The following ATP11C variants were observed in gnomAD, a reference collection of about 807,000 sequenced individuals.
ATP11C encodes the protein phospholipid-transporting ATPase IG.
Under a neutral mutation model 97.4 loss-of-function variants are expected in ATP11C, and 36 were observed. The observed-to-expected ratio is 0.37, with a 90% CI of 0.28 to 0.49. The LOEUF is 0.49. Among genes scored for constraint, ATP11C ranks in the 20% least tolerant of loss-of-function variants. The pLI is 0.98. For synonymous variants in ATP11C, 275 were observed against 290.9 expected, an observed-to-expected ratio of 0.95 and a Z score of 0.56; for missense variants, 730 against 824.6, an observed-to-expected ratio of 0.89 and a Z score of 1.40.
intron 18 of ATP11C, among the ~76,000 whole-genome samples, chrX:139,778,293 A>G (rs1332954533): frequency 8.9e-6 from 1 of 112,005 alleles, no homozygotes; most frequent in Non-Finnish European, 1.9e-5. Flanking sequence ...AACCTATCCT[A>G]TAAGAAATGC....
At chrX:139,777,779 A>G (rs764910628) in intron 18 of ATP11C, among the ~76,000 whole-genome samples, 25 of 111,248 alleles carry the variant, frequency 2.2e-4, no homozygotes, top group African/African-American at 7.8e-4. Flanking sequence ...TAAAAAGGAC[A>G]AATTACCTAT....
chrX:139,814,631 A>C (rs1183228589), intron 5 of ATP11C, among the ~76,000 whole-genome samples: 1 of 111,799 alleles, frequency 8.9e-6, no homozygotes, highest in Admixed American at 9.5e-5. Context: ...AAGAAATATG[A>C]AACATTCAGA....
chrX:139,923,170 TACAAC>T (rs2085294962), intron 1 of ATP11C, among the ~76,000 whole-genome samples: 1 of 111,745 alleles, frequency 8.9e-6, no homozygotes, highest in African/African-American at 3.3e-5. Context: ...ATGCTTTAAG[TACAAC>T]AATGACCCTG....
chrX:139,815,785 G>A (rs935123692), intron 4 of ATP11C, among the ~76,000 whole-genome samples: 1 of 109,789 alleles, frequency 9.1e-6, no homozygotes, highest in Non-Finnish European at 1.9e-5. Flanking sequence ...TCTCTTCATC[G>A]CCTCCCCCCA....
intron 4 of ATP11C, 101 bp from the exon 5 acceptor site, chrX:139,815,086 T>A: frequency 2.3e-6 from 1 of 438,310 alleles, no homozygotes; most frequent in Non-Finnish European, 3.8e-6. Flanking sequence ...ATATTTATAA[T>A]TATAGCATTA....
chrX:139,754,544 A>ACAG (rs1373160696), intron 23 of ATP11C, among the ~76,000 whole-genome samples: 1 of 111,938 alleles, frequency 8.9e-6, no homozygotes, highest in Non-Finnish European at 1.9e-5. Flanking sequence ...AACAACAACA[A>ACAG]AAAGAAAACT....
intron 1 of ATP11C, among the ~76,000 whole-genome samples, chrX:139,911,739 G>C (rs1185885079): frequency 2.7e-5 from 3 of 110,872 alleles, no homozygotes; most frequent in Non-Finnish European, 5.7e-5. Flanking sequence ...TAGCAGCACT[G>C]ATCATGCCAG....
At chrX:139,900,566 G>C (rs1030778398) in intron 1 of ATP11C, among the ~76,000 whole-genome samples, 7 of 111,356 alleles carry the variant, frequency 6.3e-5, no homozygotes, top group Non-Finnish European at 1.3e-4. Context: ...CAGGAATTCA[G>C]GAGGCAGAAG....
chrX:139,848,550 C>T (rs1166323163), intron 1 of ATP11C, among the ~76,000 whole-genome samples: 1 of 109,224 alleles, frequency 9.2e-6, no homozygotes, highest in Non-Finnish European at 1.9e-5. Context: ...AGTGCAGTGG[C>T]TATTCACAGG....
At chrX:139,908,651 G>A (rs1315152101) in intron 1 of ATP11C, among the ~76,000 whole-genome samples, 3 of 112,441 alleles carry the variant, frequency 2.7e-5, no homozygotes, top group Non-Finnish European at 3.8e-5. Context: ...CATAAATACA[G>A]TATTCAAATG....
intron 6 of ATP11C, among the ~76,000 whole-genome samples, chrX:139,802,735 C>T (rs1331064020): frequency 9.0e-6 from 1 of 111,494 alleles, no homozygotes; most frequent in African/African-American, 3.3e-5. Context: ...GAGATATACA[C>T]ATATGAATTG....
chrX:139,834,556 T>C (rs998370516), intron 1 of ATP11C, among the ~76,000 whole-genome samples: 5 of 112,162 alleles, frequency 4.5e-5, no homozygotes, highest in Admixed American at 9.4e-5. Flanking sequence ...AAAGAGACTA[T>C]ATAAATTAGC....
chrX:139,925,378 C>T (rs572168427), intron 1 of ATP11C, among the ~76,000 whole-genome samples: 1 of 111,579 alleles, frequency 9.0e-6, no homozygotes, highest in Non-Finnish European at 1.9e-5. Flanking sequence ...CTCTGCCTCC[C>T]AGGTTCAAGT....
intron 1 of ATP11C, among the ~76,000 whole-genome samples, chrX:139,887,313 A>G (rs1278010984): frequency 8.9e-6 from 1 of 112,081 alleles, no homozygotes; most frequent in Non-Finnish European, 1.9e-5. Flanking sequence ...CTTAGATAGG[A>G]CAGAAAAACC....
intron 15 of ATP11C, 91 bp from the exon 16 acceptor site, chrX:139,785,390 AAT>A: frequency 1.6e-6 from 1 of 642,428 alleles, no homozygotes; most frequent in Non-Finnish European, 2.4e-6. Context: ...AAACATCTTA[AAT>A]CAACAGATAG....
intron 3 of ATP11C, among the ~76,000 whole-genome samples, chrX:139,817,486 G>C (rs1257032292): frequency 8.9e-6 from 1 of 112,795 alleles, no homozygotes; most frequent in African/African-American, 3.2e-5. Flanking sequence ...TGGAGAGGGA[G>C]GCAGGAGCCA....
intron 18 of ATP11C, among the ~76,000 whole-genome samples, chrX:139,782,282 G>A (rs1451589298): frequency 1.0e-4 from 11 of 106,525 alleles, no homozygotes; most frequent in East Asian, 8.9e-4. Context: ...AGCCAAGACC[G>A]CGCCACTGCA....
chrX:139,740,077 G>A (rs1437088424), intron 27 of ATP11C, among the ~76,000 whole-genome samples: 1 of 111,240 alleles, frequency 9.0e-6, no homozygotes, highest in Non-Finnish European at 1.9e-5. Flanking sequence ...TCACATCTCT[G>A]TGATAAAATA....
At chrX:139,908,682 A>G (rs901796358) in intron 1 of ATP11C, among the ~76,000 whole-genome samples, 1 of 112,431 alleles carries the variant, frequency 8.9e-6, no homozygotes. Context: ...CCTTCCTGAC[A>G]ATAACATAAG....
Sources: gnomAD v4.1 joint callset for allele counts (sites outside exome capture counted in the v4.1 genomes callset) on GRCh38, gnomAD v4.1.1 for gene constraint, MANE v1.5 for transcripts, NCBI Gene and HGNC (gene_info 2026-07-23, HGNC 2026-07-21) for gene names.